TNIP2: variants seen among roughly 807,000 people sequenced by gnomAD.
TNIP2 encodes TNFAIP3 interacting protein 2.
Under a neutral mutation model 43.7 loss-of-function variants are expected in TNIP2, and 30 were observed. The observed-to-expected ratio is 0.69, with a 90% CI of 0.51 to 0.93. The LOEUF is 0.93. Among genes scored for constraint, TNIP2 ranks in the 40% least tolerant of loss-of-function variants. The pLI is 0.00. For synonymous variants in TNIP2, 260 were observed against 254.6 expected (o/e 1.02, Z -0.20); for missense variants, 599 against 591.0 (o/e 1.01, Z -0.14).
chr4:2,749,285 CAA>C (rs1431787261), intron 1 of TNIP2, among the ~76,000 whole-genome samples: 3 of 152,204 alleles, frequency 2.0e-5, no homozygotes, highest in African/African-American at 7.2e-5. Flanking sequence ...ATCAAATTAT[CAA>C]AGTGGCAATT....
intron 1 of TNIP2, among the ~76,000 whole-genome samples, chr4:2,750,734 G>A (rs1345372251): frequency 6.7e-6 from 1 of 149,836 alleles, no homozygotes; most frequent in East Asian, 2.0e-4. Context: ...GGCTGGTCTT[G>A]AACTCCTGGC....
Position 2,746,725 on chromosome 4 carries a change from G to A in TNIP2, c.567+930C>T, listed in dbSNP as rs867468110. Among the ~76,000 whole-genome samples, 39 of 152,336 alleles carry A rather than the reference G, an allele frequency of 2.6e-4. No individual in the cohort carries two copies. In the Middle Eastern group the frequency reaches 0.01, roughly 40 times the overall value. ...AGAACTGCCTAGAAAGGACCCGAGC[G>A]AGAGGCCCTGTGCCCGGCAGTGCGA... On this transcript the variant is annotated intron_variant, in intron 2 of 5. Coordinates refer to ENST00000315423, the MANE Select transcript of TNIP2 (RefSeq NM_024309.4).
At chr4:2,755,907 C>T (rs1333318523) in intron 1 of TNIP2, 107 bp downstream of exon 1, 3 of 1,354,568 alleles carry the variant, frequency 2.2e-6, no homozygotes, top group Admixed American at 7.2e-5. Context: ...GACCCAGTAC[C>T]CCCTCAACCC....
At position 2,744,778 on chromosome 4, in the gene TNIP2, ACAGT is replaced by A; in HGVS notation, c.821_824del (p.Asp274ValfsTer4). The A allele has an allele frequency of 6.2e-7, 1 of 1,611,982 alleles. No individual in the cohort carries two copies. Among genetic ancestry groups the A allele is most frequent in the Non-Finnish European group, 8.5e-7 (1 of 1,180,048 alleles). On this transcript the variant is annotated frameshift_variant, in exon 4 of 6. Coordinates refer to ENST00000315423, the MANE Select transcript of TNIP2 (RefSeq NM_024309.4). LOFTEE classifies it high-confidence loss of function. This position sits in a 1 kb window ranked among gnomAD's most constrained non-coding sequence, Gnocchi z 5.1. ...CCGCCAGCTCCTGCTTCACTTCGGC[ACAGT>A]CATTTATTTTCTCTTCCAACTGTCT...
intron 1 of TNIP2, among the ~76,000 whole-genome samples, chr4:2,754,620 G>A (rs897375253): frequency 1.3e-5 from 2 of 152,248 alleles, no homozygotes; most frequent in Non-Finnish European, 2.9e-5. Flanking sequence ...TTTTCACCAT[G>A]TTAGCCAGGA....
rs1721818249 is a variant in TNIP2, at chr4:2,742,421, T to A, written c.1126A>T (p.Arg376Trp). ...ALELMVPGGWRPGTGSQQPEP... is the reference protein window; with the variant it reads ...ALELMVPGGWWPGTGSQQPEP... ...GGCTGCTGGGACCCAGTCCCAGGCCTCCAGCCACCAGGCACCATAAGCTCT... is the reference window on the plus strand; with the variant it reads ...GGCTGCTGGGACCCAGTCCCAGGCCACCAGCCACCAGGCACCATAAGCTCT... Residue 376 changes from arginine to tryptophan, a missense_variant, in exon 6 of 6, where the codon AGG (arginine) becomes TGG (tryptophan). Transcript: ENST00000315423. 1 of 1,612,694 alleles carries A rather than the reference T, an allele frequency of 6.2e-7. No homozygotes were observed. The highest frequency in any genetic ancestry group is 1.3e-5 in the African/African-American group (1 of 74,890).
chr4:2,754,523 T>C (rs758853130), intron 1 of TNIP2, among the ~76,000 whole-genome samples: 34 of 152,076 alleles, frequency 2.2e-4, no homozygotes, highest in Non-Finnish European at 4.1e-4. Flanking sequence ...TTCATGCCAT[T>C]CTCCTGCCTC....
In TNIP2 at chr4:2,744,909, C is replaced by T. The variant is rs1721902518; in HGVS notation, c.694G>A (p.Ala232Thr). 1.9e-6 allele frequency: 3 copies of T among 1,610,046 alleles called. No individual in the cohort carries two copies. The highest frequency in any genetic ancestry group is 1.3e-5 in the African/African-American group (1 of 75,000). The change falls in exon 4 of 6, where the codon GCC becomes ACC. Residue 232 changes from alanine to threonine, a missense_variant. Physicochemically the swap from Ala to Thr is moderately conservative, Grantham distance 58. Transcript: ENST00000315423. This position sits in a 1 kb window ranked among gnomAD's most constrained non-coding sequence, Gnocchi z 5.1. ...DLNAKWQRYN[A>T]SRDEYVRGLH... ...CCCCTCACGTATTCGTCCCTGCTGGCGTTGTAGCGCTGCCACTTGGCATTG... is the reference window on the plus strand; with the variant it reads ...CCCCTCACGTATTCGTCCCTGCTGGTGTTGTAGCGCTGCCACTTGGCATTG...
intron 2 of TNIP2, chr4:2,747,437 G>A: frequency 1.7e-6 from 1 of 574,632 alleles, no homozygotes; most frequent in East Asian, 2.9e-5. Flanking sequence ...CTGGTGCTGG[G>A]CAGTGAGGTG....
At position 2,742,353 on chromosome 4, in the gene TNIP2, T is replaced by C. The variant is rs758924176; in HGVS notation, c.1194A>G (p.Arg398=). 6.3e-7 allele frequency: 1 copy of C among 1,596,654 alleles called. No homozygotes were observed. The highest frequency in any genetic ancestry group is 2.3e-5 in the East Asian group (1 of 43,904). ...GAGGGCACTGAAGGTCCCCCTGGCC[T>C]CTCTGGGCCGCGCCAGGATGCCCGC... ...AEGGHPGAAQ[R]GQGDLQCPHC... The change falls in exon 6 of 6, where the codon AGA becomes AGG. Residue 398 remains arginine (R), a synonymous_variant. Transcript: ENST00000315423.
At chr4:2,755,921 A>G in intron 1 of TNIP2, 93 bp downstream of exon 1, 2 of 1,364,428 alleles carry the variant, frequency 1.5e-6, no homozygotes, top group Non-Finnish European at 1.9e-6. Flanking sequence ...TCAACCCCTC[A>G]GGACCCGGGG....
chr4:2,749,517 G>A (rs1463372229), intron 1 of TNIP2, among the ~76,000 whole-genome samples: 2 of 152,110 alleles, frequency 1.3e-5, no homozygotes, highest in Non-Finnish European at 2.9e-5. Flanking sequence ...CACACAGAGA[G>A]AAGACGACCA....
Position 2,756,310 on chromosome 4 carries a change from G to A in TNIP2, c.-21C>T, listed in dbSNP as rs910671284. ...GACATGGCTGTAGGCCCGCCCGGGA[G>A]GCCGCGCGGCCGCCGGCAACTTCCG... On this transcript the variant is annotated 5_prime_UTR_variant, in exon 1 of 6. Transcript: ENST00000315423. The A allele has an allele frequency of 3.6e-5, 44 of 1,206,284 alleles. No individual in the cohort carries two copies. The highest frequency in any genetic ancestry group is 1.4e-4 in the East Asian group (4 of 28,632). 74.7% of individuals were successfully genotyped at this position (1,206,284 alleles called of 1,614,324 possible). A position where few individuals can be genotyped will look rare whatever the true frequency, so the allele number is the denominator to read the frequency against.
At chr4:2,752,226 C>G (rs75692427) in intron 1 of TNIP2, among the ~76,000 whole-genome samples, 3,128 of 152,214 alleles carry the variant, frequency 0.021, 63 homozygotes, top group African/African-American at 0.052. Flanking sequence ...GGGGCTGATA[C>G]GCCAGGACCA....
At chr4:2,745,311 C>T (rs1721916262) in intron 3 of TNIP2, 135 bp downstream of exon 3, 1 of 708,818 alleles carries the variant, frequency 1.4e-6, no homozygotes, top group Non-Finnish European at 2.5e-6. Context: ...AAAGTCCAGT[C>T]TCTAGGGACT....
intron 2 of TNIP2, chr4:2,747,396 C>A: frequency 2.2e-6 from 1 of 452,162 alleles, no homozygotes; most frequent in Admixed American, 3.6e-5. Context: ...CAAGTGCCAT[C>A]TCCCACCTGG....
intron 1 of TNIP2, among the ~76,000 whole-genome samples, chr4:2,753,487 A>G (rs996163539): frequency 6.6e-6 from 1 of 152,190 alleles, no homozygotes; most frequent in African/African-American, 2.4e-5. Flanking sequence ...ACATGCTTAC[A>G]TGTTGGGAAG....
At chr4:2,743,048 T>C (rs1283277178) in intron 5 of TNIP2, among the ~76,000 whole-genome samples, 1 of 152,110 alleles carries the variant, frequency 6.6e-6, no homozygotes, top group East Asian at 1.9e-4. Context: ...CAAACATCCG[T>C]CCTGAAGCAC....
At chr4:2,747,970 G>GT (rs751261678) in intron 1 of TNIP2, 25 bp from the exon 2 acceptor site, 8 of 1,602,394 alleles carry the variant, frequency 5.0e-6, no homozygotes, top group East Asian at 2.2e-5. Flanking sequence ...TAAAAGCACA[G>GT]TTTACTGAAT....
Sources: gnomAD v4.1 joint callset for allele counts (sites outside exome capture counted in the v4.1 genomes callset) on GRCh38, gnomAD v4.1.1 for gene constraint, Gnocchi (gnomAD v3.1) non-coding constraint, MANE v1.5 for transcripts, NCBI Gene and HGNC (gene_info 2026-07-23, HGNC 2026-07-21) for gene names.